The following SFMBT1 variants were observed in gnomAD, a reference collection of about 807,000 sequenced individuals.
The protein encoded by SFMBT1 is scm-like with four MBT domains protein 1.
In SFMBT1, 32 loss-of-function variants were observed where a neutral mutation model predicts 108.7. That is an observed-to-expected ratio of 0.29 (90% CI 0.22 to 0.40). The LOEUF (loss-of-function observed/expected upper bound fraction) is 0.40, where lower values mean the gene tolerates loss of function less well. SFMBT1 is among the 10% of genes least tolerant of loss of function. The probability of loss-of-function intolerance (pLI) is 1.00; values close to 1 mark genes in which losing one functional copy is unlikely to be tolerated. For synonymous variants in SFMBT1, 348 were observed against 369.5 expected (o/e 0.94, Z 0.67); for missense variants, 816 against 1,059.6 (o/e 0.77, Z 3.19).
chr3:52,905,511 A>G (rs1702044413), intron 20 of SFMBT1, among the ~76,000 whole-genome samples: 1 of 152,268 alleles, frequency 6.6e-6, no homozygotes, highest in Non-Finnish European at 1.5e-5. Context: ...TACCAAGGAT[A>G]AGAATCCATT....
In SFMBT1 at chr3:52,905,102, G is replaced by C; in HGVS notation, c.*34C>G. The C allele has an allele frequency of 6.2e-7, 1 of 1,609,708 alleles. No homozygotes were observed. Among genetic ancestry groups the C allele is most frequent in the African/African-American group, 1.3e-5 (1 of 74,918 alleles). On this transcript the variant is annotated 3_prime_UTR_variant, in exon 21 of 21. Transcript: ENST00000394752. ...AGGGTGAAGGATTTGCTGCATTTGT[G>C]CTTCAAAGATCCAGCTCACTTTGGT... is the stretch of plus-strand genomic sequence containing the variant.
In SFMBT1 at chr3:52,983,379, T is replaced by G. The variant is rs572053509; in HGVS notation, c.-130-14121A>C. On this transcript the variant is annotated intron_variant, in intron 1 of 20. Transcript: ENST00000394752. ...AAAATACGTGTTGATTGACTGCTTA[T>G]GTTATTGTGGTAAGGCTTCTGGTCA... 2.6e-5 allele frequency among the ~76,000 whole-genome samples: 4 copies of G among 152,368 alleles called. No homozygotes were observed. In the South Asian group the frequency reaches 8.3e-4, roughly 32 times the overall value.
intron 1 of SFMBT1, among the ~76,000 whole-genome samples, chr3:53,034,894 G>C (rs530579570): frequency 1.3e-5 from 2 of 152,178 alleles, no homozygotes; most frequent in Non-Finnish European, 2.9e-5. Context: ...AGCCAAGATC[G>C]AGCCACTGCA....
chr3:52,958,472 T>A (rs1047161436), intron 2 of SFMBT1, among the ~76,000 whole-genome samples: 2 of 152,128 alleles, frequency 1.3e-5, no homozygotes, highest in South Asian at 2.1e-4. Context: ...GTGCCTGTAA[T>A]CCCATCTACT....
At chr3:52,994,920 A>C (rs1274823246) in intron 1 of SFMBT1, among the ~76,000 whole-genome samples, 1 of 150,084 alleles carries the variant, frequency 6.7e-6, no homozygotes, top group Non-Finnish European at 1.5e-5. Context: ...AAGAGCAAGA[A>C]ATTGAAAAGG....
At chr3:52,908,905 T>C (rs1473482712) in intron 17 of SFMBT1, among the ~76,000 whole-genome samples, 1 of 152,226 alleles carries the variant, frequency 6.6e-6, no homozygotes, top group Non-Finnish European at 1.5e-5. Context: ...TTGATTATTA[T>C]AACTTTATGG....
chr3:52,954,537 T>A, intron 2 of SFMBT1, 126 bp from the exon 3 acceptor site: 1 of 730,270 alleles, frequency 1.4e-6, no homozygotes, highest in Non-Finnish European at 2.2e-6. Flanking sequence ...ACAAAAGAAT[T>A]AAGTGGGGTT....
At chr3:53,019,921 T>C (rs902749230) in intron 1 of SFMBT1, among the ~76,000 whole-genome samples, 1 of 152,150 alleles carries the variant, frequency 6.6e-6, no homozygotes, top group East Asian at 1.9e-4. Flanking sequence ...CTTCGGCTTC[T>C]TTCCATTCAC....
At chr3:52,945,533 C>T (rs193120916) in intron 3 of SFMBT1, among the ~76,000 whole-genome samples, 8 of 152,024 alleles carry the variant, frequency 5.3e-5, no homozygotes, top group South Asian at 4.2e-4. Context: ...AAGAGCCGGG[C>T]GCGGTGGCTC....
chr3:52,922,677 T>C (rs1163972504), intron 10 of SFMBT1, among the ~76,000 whole-genome samples: 6 of 152,206 alleles, frequency 3.9e-5, no homozygotes, highest in Admixed American at 2.0e-4. Flanking sequence ...TGAAAACATT[T>C]AAGAAACATT....
At chr3:52,928,643 T>TATAC (rs1702755439) in intron 8 of SFMBT1, 12 of 50,534 alleles carry the variant, frequency 2.4e-4, no homozygotes, top group Middle Eastern at 0.014. Flanking sequence ...TATACATATA[T>TATAC]ATATATATAT....
chr3:52,905,964 AT>A, intron 20 of SFMBT1, 148 bp downstream of exon 20: 1 of 861,310 alleles, frequency 1.2e-6, no homozygotes, highest in Non-Finnish European at 1.7e-6. Flanking sequence ...ACTTTTTATC[AT>A]CTTTGACTCC....
intron 15 of SFMBT1, 45 bp from the exon 16 acceptor site, chr3:52,912,692 A>C (rs750839819): frequency 7.2e-7 from 1 of 1,396,138 alleles, no homozygotes; most frequent in Non-Finnish European, 1.0e-6. Context: ...GAAGGAGAAA[A>C]GCAGACCATT....
At position 52,904,948 on chromosome 3, in the gene SFMBT1, G is replaced by T; in HGVS notation, c.*188C>A. The T allele has an allele frequency of 1.8e-6, 1 of 563,804 alleles. No individual in the cohort carries two copies. Among genetic ancestry groups the T allele is most frequent in the South Asian group, 3.4e-5 (1 of 29,008 alleles). 34.9% of individuals were successfully genotyped at this position (563,804 alleles called of 1,614,324 possible). A position where few individuals can be genotyped will look rare whatever the true frequency, so the allele number is the denominator to read the frequency against. On this transcript the variant is annotated 3_prime_UTR_variant, in exon 21 of 21. Transcript: ENST00000394752. The stretch of plus-strand genomic sequence containing the variant: ...AGAGATGTCCACATTTCCACCAGCA[G>T]GTGATCCACTTCTGTGCACAGTTTT...
At chr3:52,968,971 G>C (rs962051031) in intron 2 of SFMBT1, 130 bp downstream of exon 2, 1 of 995,626 alleles carries the variant, frequency 1.0e-6, no homozygotes, top group African/African-American at 1.6e-5. Context: ...AGGTACAGAA[G>C]ATGGCAATGA....
chr3:52,961,349 G>A (rs1035424722), intron 2 of SFMBT1, among the ~76,000 whole-genome samples: 2 of 152,156 alleles, frequency 1.3e-5, no homozygotes, highest in Non-Finnish European at 2.9e-5. Flanking sequence ...TAAGGAGATG[G>A]ATGGCAGTGA....
intron 4 of SFMBT1, among the ~76,000 whole-genome samples, chr3:52,938,705 AT>A (rs1703096877): frequency 6.6e-6 from 1 of 151,262 alleles, no homozygotes; most frequent in African/African-American, 2.4e-5. Context: ...CTTGTCCCAT[AT>A]TTTTTATAGT....
At chr3:52,988,507 G>C (rs1258409040) in intron 1 of SFMBT1, among the ~76,000 whole-genome samples, 1 of 152,164 alleles carries the variant, frequency 6.6e-6, no homozygotes, top group Non-Finnish European at 1.5e-5. Flanking sequence ...ACACAATGGT[G>C]AATGTCTGCT....
chr3:53,009,499 T>G (rs753979999), intron 1 of SFMBT1, among the ~76,000 whole-genome samples: 1 of 152,164 alleles, frequency 6.6e-6, no homozygotes, highest in Admixed American at 6.5e-5. Context: ...CTGCTGAGAA[T>G]ACAGGAGAAT....
Sources: gnomAD v4.1 joint callset for allele counts (sites outside exome capture counted in the v4.1 genomes callset) on GRCh38, gnomAD v4.1.1 for gene constraint, MANE v1.5 for transcripts, NCBI Gene and HGNC (gene_info 2026-07-23, HGNC 2026-07-21) for gene names.